SMYD3: variants seen among roughly 807,000 people sequenced by gnomAD.
SMYD3 encodes histone-lysine N-methyltransferase SMYD3.
SMYD3 carries 36 observed loss-of-function variants against 57.7 expected under a neutral mutation model. The observed-to-expected ratio is 0.62, with a 90% CI of 0.48 to 0.82. The LOEUF (loss-of-function observed/expected upper bound fraction) is 0.82. Among genes scored for constraint, SMYD3 ranks in the 40% least tolerant of loss-of-function variants. The pLI is 0.00. For synonymous variants in SMYD3, 211 were observed against 195.0 expected (o/e 1.08, Z -0.68); for missense variants, 515 against 538.8 (o/e 0.96, Z 0.44).
At chr1:246,503,429 A>G (rs928563634) in intron 1 of SMYD3, among the ~76,000 whole-genome samples, 1 of 152,210 alleles carries the variant, frequency 6.6e-6, no homozygotes, top group African/African-American at 2.4e-5. Context: ...GTTCCCCAAA[A>G]TATTAATCCT....
Position 245,849,462 on chromosome 1 carries a change from A to T in SMYD3, c.1076+9034T>A, listed in dbSNP as rs145844797. Among the ~76,000 whole-genome samples the T allele has an allele frequency of 3.5e-3, 534 of 152,022 alleles. 2 individuals carry two copies. Among genetic ancestry groups the T allele is most frequent in the African/African-American group, 0.012 (488 of 41,464 alleles). ...TTCCAACTTCCAGCAGAGATGAGTT[A>T]TGTGTATGGACCAAAAGGGGAGTCA... On this transcript the variant is annotated intron_variant, in intron 10 of 11. Transcript: ENST00000490107.
intron 1 of SMYD3, among the ~76,000 whole-genome samples, chr1:246,390,832 G>C (rs1156269028): frequency 6.6e-6 from 1 of 151,972 alleles, no homozygotes; most frequent in Non-Finnish European, 1.5e-5. Flanking sequence ...TACTGCAGTG[G>C]GCAGTACAGC....
intron 5 of SMYD3, among the ~76,000 whole-genome samples, chr1:246,087,221 T>C (rs141751472): frequency 1.3e-5 from 2 of 152,324 alleles, no homozygotes; most frequent in African/African-American, 4.8e-5. Flanking sequence ...TACAAACCCA[T>C]GAGCCTATTT....
chr1:246,275,657 G>T (rs369855027), intron 5 of SMYD3, among the ~76,000 whole-genome samples: 5 of 145,298 alleles, frequency 3.4e-5, no homozygotes, highest in Non-Finnish European at 7.5e-5. Context: ...AATGCCTCTA[G>T]TGGAGTCTGA....
chr1:246,471,517 G>T (rs765789173), intron 1 of SMYD3, among the ~76,000 whole-genome samples: 4 of 152,110 alleles, frequency 2.6e-5, no homozygotes, highest in Non-Finnish European at 4.4e-5. Context: ...AAATAAGACT[G>T]CATTAACCTG....
chr1:246,033,095 T>C (rs930652106), intron 5 of SMYD3, among the ~76,000 whole-genome samples: 1 of 152,094 alleles, frequency 6.6e-6, no homozygotes, highest in Non-Finnish European at 1.5e-5. Flanking sequence ...ATAAAACCAG[T>C]GCATGAATGT....
chr1:245,779,164 G>A (rs2046731068), intron 10 of SMYD3, among the ~76,000 whole-genome samples: 1 of 111,550 alleles, frequency 9.0e-6, no homozygotes. Context: ...TGTCCCAAGG[G>A]GAAAAAAAAA....
chr1:246,253,455 T>G (rs563864673), intron 5 of SMYD3, among the ~76,000 whole-genome samples: 1 of 152,372 alleles, frequency 6.6e-6, no homozygotes, highest in African/African-American at 2.4e-5. Flanking sequence ...GATTTTGTTC[T>G]TTCTTAAGGC....
intron 5 of SMYD3, among the ~76,000 whole-genome samples, chr1:246,083,969 T>C (rs1406462519): frequency 1.3e-5 from 2 of 152,184 alleles, no homozygotes; most frequent in Non-Finnish European, 2.9e-5. Context: ...TTATATTCTT[T>C]TAAATATTGG....
At chr1:246,294,138 A>G (rs1572347268) in intron 5 of SMYD3, among the ~76,000 whole-genome samples, 2 of 151,514 alleles carry the variant, frequency 1.3e-5, no homozygotes. Flanking sequence ...TTTCTTTTCT[A>G]CCTACCCTCT....
chr1:246,277,829 T>C (rs1048817489), intron 5 of SMYD3, among the ~76,000 whole-genome samples: 2 of 152,138 alleles, frequency 1.3e-5, no homozygotes, highest in South Asian at 2.1e-4. Flanking sequence ...AAGTCATCTA[T>C]AGATACAAAG....
chr1:246,314,686 T>A (rs1461992065), intron 5 of SMYD3, among the ~76,000 whole-genome samples: 1 of 152,140 alleles, frequency 6.6e-6, no homozygotes, highest in African/African-American at 2.4e-5. Flanking sequence ...CTCAAATATG[T>A]AATACAGCAG....
At chr1:245,946,140 C>T (rs2057421720) in intron 5 of SMYD3, among the ~76,000 whole-genome samples, 1 of 152,086 alleles carries the variant, frequency 6.6e-6, no homozygotes, top group South Asian at 2.1e-4. Context: ...GGAAACAGCA[C>T]AGCAATATTA....
chr1:245,904,048 TC>T (rs1361244279), intron 8 of SMYD3, among the ~76,000 whole-genome samples: 1 of 152,168 alleles, frequency 6.6e-6, no homozygotes, highest in African/African-American at 2.4e-5. Flanking sequence ...TTCTACCACA[TC>T]GTCAGGCTGC....
In SMYD3 at chr1:245,822,795, C is replaced by G. The variant is rs190611098; in HGVS notation, c.1076+35701G>C. Among the ~76,000 whole-genome samples, 4 of 152,312 alleles carry G rather than the reference C, an allele frequency of 2.6e-5. No homozygotes were observed. The East Asian group carries it at 7.7e-4, about 29-fold the overall frequency. ...CTTGGCTCTCCATAGTTCCTCTTAA[C>G]TCCGTGATCAAAAGACATTTTTACA... On this transcript the variant is annotated intron_variant, in intron 10 of 11. Transcript: ENST00000490107.
chr1:246,355,402 A>G lies in SMYD3; in HGVS notation c.165-308T>C, dbSNP rs1332809079. ...GACTCACACTGTGAACTTTTGATCC[A>G]ACAACTGCCACAGCAACATACCAGG... On this transcript the variant is annotated intron_variant, in intron 1 of 11. Coordinates refer to ENST00000490107, the MANE Select transcript of SMYD3 (RefSeq NM_001167740.2). This position sits in a 1 kb window ranked among gnomAD's most constrained non-coding sequence, Gnocchi z 5.0. The G allele has an allele frequency of 1.0e-5, 3 of 296,120 alleles. No homozygotes were observed. The highest frequency in any genetic ancestry group is 1.9e-5 in the Non-Finnish European group (3 of 157,656). The allele number at this position is 296,120 out of a possible 1,614,324, so 18.3% of individuals were successfully genotyped here.
At chr1:246,270,804 C>A (rs931591756) in intron 5 of SMYD3, among the ~76,000 whole-genome samples, 1 of 152,272 alleles carries the variant, frequency 6.6e-6, no homozygotes, top group African/African-American at 2.4e-5. Flanking sequence ...TCTTTGAGAT[C>A]CTGCTTTCAA....
At chr1:245,919,030 T>C (rs2055662990) in intron 7 of SMYD3, among the ~76,000 whole-genome samples, 1 of 152,182 alleles carries the variant, frequency 6.6e-6, no homozygotes, top group Non-Finnish European at 1.5e-5. Flanking sequence ...GTTATTTCAT[T>C]TAACCCCAAT....
intron 5 of SMYD3, among the ~76,000 whole-genome samples, chr1:246,131,217 G>C (rs759508054): frequency 2.0e-5 from 3 of 152,124 alleles, no homozygotes; most frequent in Non-Finnish European, 2.9e-5. Flanking sequence ...GTATTATAGG[G>C]GGTTGCCTCC....
Sources: allele counts gnomAD v4.1 joint callset (sites outside exome capture counted in the v4.1 genomes callset), GRCh38; gene constraint gnomAD v4.1.1; non-coding constraint Gnocchi (gnomAD v3.1); transcripts MANE v1.5; gene names NCBI Gene and HGNC (gene_info 2026-07-23, HGNC 2026-07-21).